The following VAV3 variants were observed in gnomAD, a reference collection of about 807,000 sequenced individuals.
VAV3 encodes guanine nucleotide exchange factor VAV3.
A neutral mutation model predicts 131.2 loss-of-function variants in VAV3; 94 were observed. That is an observed-to-expected ratio of 0.72 (90% CI 0.61 to 0.85). The LOEUF is 0.85. Among genes scored for constraint, VAV3 ranks in the 40% least tolerant of loss-of-function variants. The probability of loss-of-function intolerance (pLI) is 0.00; values close to 1 mark genes in which losing one functional copy is unlikely to be tolerated. For missense variants in VAV3, 939 were observed against 1,002.7 expected, an observed-to-expected ratio of 0.94 and a Z score of 0.86; for synonymous variants, 349 against 342.0, an observed-to-expected ratio of 1.02 and a Z score of -0.22.
At chr1:107,728,195 A>C (rs1479890126) in intron 15 of VAV3, among the ~76,000 whole-genome samples, 1 of 152,136 alleles carries the variant, frequency 6.6e-6, no homozygotes, top group African/African-American at 2.4e-5. Context: ...TGGACAGGGA[A>C]TTGGCAGATT....
intron 2 of VAV3, among the ~76,000 whole-genome samples, chr1:107,841,421 G>C (rs148341091): frequency 6.6e-6 from 1 of 152,064 alleles, no homozygotes; most frequent in African/African-American, 2.4e-5. Flanking sequence ...AAACAGTAGC[G>C]GTTGCTATTT....
intron 7 of VAV3, among the ~76,000 whole-genome samples, chr1:107,768,131 T>C (rs945046577): frequency 9.9e-5 from 15 of 152,126 alleles, no homozygotes; most frequent in Non-Finnish European, 2.1e-4. Context: ...CAGGGAAGTG[T>C]GGGGATGGAA....
chr1:107,764,018 C>T (rs1201879068), intron 9 of VAV3, among the ~76,000 whole-genome samples: 1 of 148,850 alleles, frequency 6.7e-6, no homozygotes, highest in South Asian at 2.1e-4. Flanking sequence ...GTGACTGATA[C>T]AACAAACATT....
chr1:107,906,915 G>C (rs888502574), intron 1 of VAV3, among the ~76,000 whole-genome samples: 1 of 152,134 alleles, frequency 6.6e-6, no homozygotes, highest in Admixed American at 6.6e-5. Flanking sequence ...ATCTTTAGCA[G>C]AAGTTCTTAG....
chr1:107,835,936 G>C (rs1668459678), intron 2 of VAV3, among the ~76,000 whole-genome samples: 1 of 152,196 alleles, frequency 6.6e-6, no homozygotes, highest in African/African-American at 2.4e-5. Flanking sequence ...CTAAGGGAAG[G>C]GGAAGCACAG....
intron 10 of VAV3, among the ~76,000 whole-genome samples, chr1:107,759,526 A>C (rs1664300982): frequency 1.3e-5 from 2 of 152,278 alleles, no homozygotes; most frequent in East Asian, 1.9e-4. Context: ...ACAACAAATA[A>C]ATTTTACTCC....
chr1:107,683,529 C>T lies in VAV3; in HGVS notation c.1736G>A (p.Arg579Gln), dbSNP rs781335635. The T allele has an allele frequency of 3.1e-6, 5 of 1,613,718 alleles. No homozygotes were observed. The highest frequency in any genetic ancestry group is 2.2e-5 in the East Asian group (1 of 44,876). The change falls in exon 19 of 27, where the codon CGG becomes CAG. Residue 579 changes from arginine to glutamine, a missense_variant. By Grantham distance (43) the Arg-to-Gln change is conservative (BLOSUM62 1). Transcript: ENST00000370056. ...AGGAGTTCTTCGCAGTCCATTGGTCCGTTTCTGTGCAGTAAAGTAAAACAA... is the reference window on the plus strand; with the variant it reads ...AGGAGTTCTTCGCAGTCCATTGGTCTGTTTCTGTGCAGTAAAGTAAAACAA... ...EQGTLKLPEK[R>Q]TNGLRRTPKQ...
chr1:107,735,343 GA>G (rs1176636946), intron 15 of VAV3, among the ~76,000 whole-genome samples: 2 of 152,084 alleles, frequency 1.3e-5, no homozygotes, highest in Non-Finnish European at 1.5e-5. Flanking sequence ...CAAAAGGTAA[GA>G]AATAACTAAG....
At chr1:107,629,598 G>A (rs1654297332) in intron 20 of VAV3, among the ~76,000 whole-genome samples, 1 of 152,054 alleles carries the variant, frequency 6.6e-6, no homozygotes, top group Admixed American at 6.6e-5. Flanking sequence ...ATTTTATAGA[G>A]CTTTCAAGGG....
At chr1:107,810,642 T>C (rs982417786) in intron 2 of VAV3, among the ~76,000 whole-genome samples, 1 of 152,150 alleles carries the variant, frequency 6.6e-6, no homozygotes, top group Admixed American at 6.5e-5. Flanking sequence ...AGTAAGGAAA[T>C]CTAGGAGATA....
At chr1:107,898,145 T>C (rs11185207) in intron 1 of VAV3, among the ~76,000 whole-genome samples, 45,063 of 151,680 alleles carry the variant, frequency 0.3, 7,034 homozygotes, top group African/African-American at 0.42. Flanking sequence ...ACCTGTTCTA[T>C]GACCTCATTT....
intron 19 of VAV3, among the ~76,000 whole-genome samples, chr1:107,645,320 T>C (rs1557729633): frequency 5.2e-5 from 1 of 19,264 alleles, no homozygotes; most frequent in Non-Finnish European, 1.5e-4. Flanking sequence ...TAATGGAATG[T>C]ATTTTTTTTT....
At position 107,603,140 on chromosome 1, in the gene VAV3, A is replaced by C. The variant is rs1352797205; in HGVS notation, c.2039T>G (p.Leu680Trp). The C allele has an allele frequency of 6.2e-7, 1 of 1,613,282 alleles. No individual in the cohort carries two copies. Among genetic ancestry groups the C allele is most frequent in the Non-Finnish European group, 8.5e-7 (1 of 1,179,666 alleles). The change falls in exon 23 of 27, where the codon TTG (leucine) becomes TGG (tryptophan). Residue 680 changes from leucine (L) to tryptophan (W), a missense_variant. Leu to Trp is a moderately conservative substitution (Grantham distance 61). Transcript: ENST00000370056. ...ATTAATAAGTTCGGTCTCTGCTTGC[A>C]ATCTTTCCATTGCTCCAGCATACCT... ...QPWYAGAMER[L>W]QAETELINRV...
chr1:107,644,772 C>T (rs1286275635), intron 19 of VAV3, among the ~76,000 whole-genome samples: 1 of 151,934 alleles, frequency 6.6e-6, no homozygotes, highest in Non-Finnish European at 1.5e-5. Flanking sequence ...ACAGAAATGC[C>T]CAGGCTCCAT....
At chr1:107,962,086 C>G (rs1223024838) in intron 1 of VAV3, among the ~76,000 whole-genome samples, 1 of 152,194 alleles carries the variant, frequency 6.6e-6, no homozygotes, top group Non-Finnish European at 1.5e-5. Context: ...GAAGTGACAG[C>G]TTCCAGTTAT....
chr1:107,633,695 G>A (rs1305585187), intron 20 of VAV3, among the ~76,000 whole-genome samples: 1 of 152,086 alleles, frequency 6.6e-6, no homozygotes, highest in East Asian at 1.9e-4. Context: ...CAGCTCTGGT[G>A]TTTAGGCTTA....
intron 21 of VAV3, among the ~76,000 whole-genome samples, chr1:107,617,242 C>T (rs950891097): frequency 1.3e-5 from 2 of 152,058 alleles, no homozygotes; most frequent in Non-Finnish European, 1.5e-5. Context: ...GGAGGCAGAC[C>T]GTACCATTCT....
intron 20 of VAV3, among the ~76,000 whole-genome samples, chr1:107,634,368 G>T (rs561706735): frequency 6.6e-6 from 1 of 152,226 alleles, no homozygotes; most frequent in South Asian, 2.1e-4. Context: ...AGAAGAAATA[G>T]GGAAATGATT....
chr1:107,575,960 C>CAAGTAATGTGT (rs1649615939), intron 25 of VAV3, among the ~76,000 whole-genome samples: 1 of 152,154 alleles, frequency 6.6e-6, no homozygotes, highest in African/African-American at 2.4e-5. Context: ...GTCATCTTTT[C>CAAGTAATGTGT]AAGTAATGTG....
Sources: gnomAD v4.1 joint callset for allele counts (sites outside exome capture counted in the v4.1 genomes callset) on GRCh38, gnomAD v4.1.1 for gene constraint, MANE v1.5 for transcripts, NCBI Gene and HGNC (gene_info 2026-07-23, HGNC 2026-07-21) for gene names.